The following TNKS variants were observed in gnomAD, a reference collection of about 807,000 sequenced individuals.
TNKS encodes the protein poly [ADP-ribose] polymerase tankyrase-1.
Under a neutral mutation model 135.8 loss-of-function variants are expected in TNKS, and 72 were observed. The observed-to-expected ratio is 0.53, with a 90% CI of 0.44 to 0.64. TNKS has a LOEUF of 0.64. Ranked by LOEUF, TNKS falls within the 30% of genes least tolerant of loss-of-function variation. TNKS has a pLI of 0.00. For synonymous variants in TNKS, 849 were observed against 649.3 expected (o/e 1.31, Z -4.68); for missense variants, 1,769 against 1,674.0 (o/e 1.06, Z -0.99).
chr8:9,615,470 G>T, intron 2 of TNKS, 112 bp from the exon 3 acceptor site: 1 of 749,356 alleles, frequency 1.3e-6, no homozygotes, highest in Non-Finnish European at 2.0e-6. Context: ...TCTTGAAAGA[G>T]AAAAAATTTG....
chr8:9,724,608 A>C (rs1467440055), intron 12 of TNKS, among the ~76,000 whole-genome samples: 1 of 152,144 alleles, frequency 6.6e-6, no homozygotes, highest in Admixed American at 6.5e-5. Context: ...GGCTGTATGT[A>C]AGTCATTTCA....
intron 1 of TNKS, chr8:9,558,787 A>T (rs1797194206): frequency 6.6e-6 from 1 of 152,216 alleles, no homozygotes; most frequent in South Asian, 2.1e-4. Context: ...TTTTTAGCTC[A>T]GTTGTGGAAA....
At chr8:9,617,681 G>A (rs1799695487) in intron 3 of TNKS, among the ~76,000 whole-genome samples, 2 of 152,112 alleles carry the variant, frequency 1.3e-5, no homozygotes, top group Non-Finnish European at 2.9e-5. Flanking sequence ...AAATTTAAAA[G>A]ATTAAACATT....
At chr8:9,661,025 A>G (rs1433783621) in intron 3 of TNKS, among the ~76,000 whole-genome samples, 5 of 151,170 alleles carry the variant, frequency 3.3e-5, no homozygotes, top group African/African-American at 7.3e-5. Context: ...CCAACTTACA[A>G]GGGACGTGAA....
At chr8:9,635,963 T>C (rs1296725487) in intron 3 of TNKS, among the ~76,000 whole-genome samples, 1 of 152,202 alleles carries the variant, frequency 6.6e-6, no homozygotes, top group East Asian at 1.9e-4. Flanking sequence ...TTGGAGCACA[T>C]ACTGTATATT....
intron 18 of TNKS, among the ~76,000 whole-genome samples, chr8:9,748,675 GT>G (rs2128826918): frequency 6.6e-6 from 1 of 152,282 alleles, no homozygotes; most frequent in South Asian, 2.1e-4. Context: ...GGGAGTTACT[GT>G]ATAGTCACAG....
intron 3 of TNKS, among the ~76,000 whole-genome samples, chr8:9,657,819 G>A (rs1332550809): frequency 1.3e-5 from 2 of 150,934 alleles, no homozygotes; most frequent in African/African-American, 4.9e-5. Flanking sequence ...CGGCTGCCGG[G>A]CGGAGAGGCT....
In TNKS at chr8:9,770,151, G is replaced by C; in HGVS notation, c.3786G>C (p.Gln1262His). Reference protein sequence around the residue: ...CRVTLGKSFLQFSTMKMAHAP... With the variant: ...CRVTLGKSFLHFSTMKMAHAP... Reference sequence around the variant, plus strand: ...TGACCCTTGGGAAATCCTTTCTGCAGTTTAGCACCATGAAAATGGCCCACG... The same window carrying C: ...TGACCCTTGGGAAATCCTTTCTGCACTTTAGCACCATGAAAATGGCCCACG... Residue 1262 changes from glutamine to histidine, a missense_variant, in exon 26 of 27, where the codon CAG becomes CAC. This residue lies in a region of TNKS where 722 missense variants were observed against 688.9 expected (regional missense o/e 1.05). Coordinates refer to ENST00000310430, the MANE Select transcript of TNKS (RefSeq NM_003747.3). 5 of 1,613,318 alleles carry C rather than the reference G, an allele frequency of 3.1e-6. No homozygotes were observed. The highest frequency in any genetic ancestry group is 4.2e-6 in the Non-Finnish European group (5 of 1,179,922).
At chr8:9,658,748 T>A (rs955977542) in intron 3 of TNKS, among the ~76,000 whole-genome samples, 8 of 152,202 alleles carry the variant, frequency 5.3e-5, no homozygotes, top group African/African-American at 1.7e-4. Context: ...TAACCTTAAA[T>A]ATAAATGGGC....
intron 11 of TNKS, among the ~76,000 whole-genome samples, chr8:9,718,401 G>C (rs1181805495): frequency 6.6e-6 from 1 of 152,164 alleles, no homozygotes; most frequent in Non-Finnish European, 1.5e-5. Flanking sequence ...TTTAGGAGAA[G>C]TGGCCTCAGG....
chr8:9,589,028 G>T (rs1409944931), intron 2 of TNKS, among the ~76,000 whole-genome samples: 1 of 152,102 alleles, frequency 6.6e-6, no homozygotes, highest in Non-Finnish European at 1.5e-5. Flanking sequence ...TGACAAACTC[G>T]ATTGGTATGG....
chr8:9,678,077 T>TTA lies in TNKS; in HGVS notation c.995-1873_995-1872insAT, dbSNP rs1285777079. Reference sequence around the variant, plus strand: ...TTCTTTACTGTAATCATTTATTTATTTGTCTGTCTCCTTTAATAGAATAAT... The same window carrying TTA: ...TTCTTTACTGTAATCATTTATTTATTTATGTCTGTCTCCTTTAATAGAATAAT... On this transcript the variant is annotated intron_variant, in intron 3 of 26. Transcript: ENST00000310430. 1.7e-4 allele frequency among the ~76,000 whole-genome samples: 26 copies of TTA among 152,352 alleles called. 3 individuals carry two copies. The highest frequency in any genetic ancestry group is 6.3e-4 in the African/African-American group (26 of 41,584).
intron 20 of TNKS, among the ~76,000 whole-genome samples, chr8:9,754,249 C>G (rs1306185643): frequency 6.6e-6 from 1 of 152,146 alleles, no homozygotes; most frequent in Admixed American, 6.5e-5. Context: ...TAATATGGCC[C>G]TAGATATCTT....
chr8:9,777,031 A>T lies in TNKS; in HGVS notation c.*295A>T, dbSNP rs922457896. ...AGATTGCTTCGATCTAGACTTGGAAATGGAAAATAAGAAAACCAATGCTTT... is the reference window on the plus strand; with the variant it reads ...AGATTGCTTCGATCTAGACTTGGAATTGGAAAATAAGAAAACCAATGCTTT... On this transcript the variant is annotated 3_prime_UTR_variant, in exon 27 of 27. Transcript: ENST00000310430. The T allele has an allele frequency of 1.7e-5, 6 of 349,482 alleles. No individual in the cohort carries two copies. The highest frequency in any genetic ancestry group is 1.2e-4 in the African/African-American group (6 of 48,864). 21.6% of individuals were successfully genotyped at this position (349,482 alleles called of 1,614,324 possible).
intron 17 of TNKS, among the ~76,000 whole-genome samples, chr8:9,746,143 A>G (rs1364620236): frequency 6.6e-6 from 1 of 152,242 alleles, no homozygotes; most frequent in Non-Finnish European, 1.5e-5. Context: ...TGACCAAGTT[A>G]TGCCCAGAAA....
intron 3 of TNKS, among the ~76,000 whole-genome samples, chr8:9,650,002 C>T (rs1218866961): frequency 6.7e-6 from 1 of 149,946 alleles, no homozygotes; most frequent in South Asian, 2.1e-4. Context: ...AAGCAGTTCT[C>T]CTTCCTCAGC....
Position 9,695,651 on chromosome 8 carries a change from G to A in TNKS, c.1108-9012G>A, listed in dbSNP as rs549666376. 3.3e-5 allele frequency among the ~76,000 whole-genome samples: 5 copies of A among 152,320 alleles called. No individual in the cohort carries two copies. In the East Asian group the frequency reaches 9.6e-4, roughly 29 times the overall value. On this transcript the variant is annotated intron_variant, in intron 5 of 26. Coordinates refer to ENST00000310430, the MANE Select transcript of TNKS (RefSeq NM_003747.3). ...CTGTCATGTTGTGTTACTCTAAGGG[G>A]ATTATACTGGAAGCAAGGAGACCTA...
chr8:9,749,125 G>A (rs1461644986), intron 18 of TNKS, among the ~76,000 whole-genome samples: 1 of 152,234 alleles, frequency 6.6e-6, no homozygotes, highest in Non-Finnish European at 1.5e-5. Context: ...TGCAAAGCAA[G>A]TCATGAAGTC....
At chr8:9,612,572 CA>C (rs1799501272) in intron 2 of TNKS, among the ~76,000 whole-genome samples, 1 of 151,964 alleles carries the variant, frequency 6.6e-6, no homozygotes, top group African/African-American at 2.4e-5. Context: ...TTTAAAAAAT[CA>C]GAAGAAGAAT....
Sources: allele counts gnomAD v4.1 joint callset (sites outside exome capture counted in the v4.1 genomes callset), GRCh38; gene constraint gnomAD v4.1.1; regional missense constraint gnomAD v4.1.1; transcripts MANE v1.5; gene names NCBI Gene and HGNC (gene_info 2026-07-23, HGNC 2026-07-21).